Variants in C4orf36 observed in about 807,000 individuals in gnomAD.
The protein encoded by C4orf36 is chromosome 4 open reading frame 36.
In C4orf36, 11 loss-of-function variants were observed where a neutral mutation model predicts 12.2. The observed-to-expected ratio is 0.90, with a 90% CI of 0.57 to 1.49. C4orf36 has a LOEUF of 1.49. Ranked by LOEUF, C4orf36 falls within the 40% of genes most tolerant of loss-of-function variation. The pLI, the probability that C4orf36 is intolerant of heterozygous loss-of-function variation, is 0.00. For missense variants in C4orf36, 137 were observed against 133.9 expected (o/e 1.02, Z -0.11); for synonymous variants, 54 against 51.3 (o/e 1.05, Z -0.22).
the C4orf36 span, among the ~76,000 whole-genome samples, chr4:86,915,522 G>A: frequency 4.6e-5 from 7 of 152,278 alleles, no homozygotes; most frequent in Admixed American, 2.6e-4. Flanking sequence ...GGTGATTCAC[G>A]CCTGTAATCC....
At chr4:86,904,890 C>G in the C4orf36 span, among the ~76,000 whole-genome samples, 1 of 152,078 alleles carries the variant, frequency 6.6e-6, no homozygotes, top group South Asian at 2.1e-4. Flanking sequence ...CGTTGAAGCC[C>G]TAACCCCTAA....
chr4:86,888,359 T>C, intron 2 of C4orf36, 84 bp from the exon 3 acceptor site: 2 of 1,359,494 alleles, frequency 1.5e-6, no homozygotes, highest in South Asian at 2.7e-5. Context: ...AATTCTCAGT[T>C]CCATTTGCCA....
the C4orf36 span, among the ~76,000 whole-genome samples, chr4:86,901,352 TTCTC>T: frequency 4.3e-4 from 63 of 147,360 alleles, no homozygotes; most frequent in Non-Finnish European, 6.3e-4. Flanking sequence ...ATCTGATCTC[TTCTC>T]TCTGTCTCTC....
At chr4:86,894,234 G>A (rs1868244), upstream of C4orf36, among the ~76,000 whole-genome samples, 69,383 of 151,998 alleles carry the variant, frequency 0.46, 17,306 homozygotes, top group South Asian at 0.68. Flanking sequence ...AGCATAGAAT[G>A]GCGAATAAAA....
chr4:86,897,490 C>A, the C4orf36 span, among the ~76,000 whole-genome samples: 1 of 152,178 alleles, frequency 6.6e-6, no homozygotes, highest in South Asian at 2.1e-4. Flanking sequence ...CCTTTAAGTT[C>A]TCTGGATTCT....
intron 1 of C4orf36, 76 bp downstream of exon 1, chr4:86,892,107 G>A (rs1271638265): frequency 1.0e-6 from 1 of 985,724 alleles, no homozygotes; most frequent in East Asian, 1.1e-4. Context: ...ACTGGTTCCC[G>A]GGACGGGTGG....
chr4:86,916,839 T>C, the C4orf36 span, among the ~76,000 whole-genome samples: 23 of 152,238 alleles, frequency 1.5e-4, no homozygotes, highest in African/African-American at 5.1e-4. Flanking sequence ...CTCATGTCTA[T>C]AGAATGCGGA....
In C4orf36 at chr4:86,888,555, G is replaced by A. The variant is rs75802532; in HGVS notation, c.66-280C>T. On this transcript the variant is annotated intron_variant, in intron 2 of 4. Coordinates refer to ENST00000295898, the MANE Select transcript of C4orf36 (RefSeq NM_144645.4). ...ATCCATTCTTTCCATGTAAGAGGAT[G>A]TAGATAAGAACTGTAAGCTCCAGAG... is the stretch of plus-strand genomic sequence containing the variant. 2.6e-3 allele frequency among the ~76,000 whole-genome samples: 399 copies of A among 152,296 alleles called. 3 individuals are homozygous for A. Among genetic ancestry groups the A allele is most frequent in the South Asian group, 7.2e-3 (35 of 4,828 alleles).
chr4:86,929,020 G>A, the C4orf36 span, among the ~76,000 whole-genome samples: 17 of 152,114 alleles, frequency 1.1e-4, no homozygotes, highest in Non-Finnish European at 1.2e-4. Context: ...CCCTGTCTGT[G>A]CTCTGATAAC....
the C4orf36 span, among the ~76,000 whole-genome samples, chr4:86,898,468 T>C: frequency 2.0e-5 from 3 of 151,942 alleles, no homozygotes; most frequent in Non-Finnish European, 4.4e-5. Context: ...GAGGCCAACG[T>C]GGGCAGATGG....
At chr4:86,905,074 A>G in the C4orf36 span, among the ~76,000 whole-genome samples, 9 of 151,940 alleles carry the variant, frequency 5.9e-5, no homozygotes, top group African/African-American at 1.9e-4. Context: ...CGTCTCTACT[A>G]AAATATTTTA....
At chr4:86,919,119 GGAGAGAGAGAGA>G in the C4orf36 span, among the ~76,000 whole-genome samples, 3 of 145,352 alleles carry the variant, frequency 2.1e-5, no homozygotes, top group Middle Eastern at 7.0e-3. Flanking sequence ...CCCAGCTCCA[GGAGAGAGAGAGA>G]GAGAGAGAGA....
Position 86,891,571 on chromosome 4 carries a change from A to G in C4orf36, c.-51T>C. 6.2e-7 allele frequency: 1 copy of G among 1,613,636 alleles called. No homozygotes were observed. The highest frequency in any genetic ancestry group is 8.5e-7 in the Non-Finnish European group (1 of 1,179,886). ...TTACATAGGTGCCTGATGGAATGTC[A>G]CAGATAACTCTGTTCACTTTACCTG... On this transcript the variant is annotated 5_prime_UTR_variant, in exon 2 of 5. Transcript: ENST00000295898.
At chr4:86,912,005 C>T in the C4orf36 span, among the ~76,000 whole-genome samples, 2 of 152,200 alleles carry the variant, frequency 1.3e-5, no homozygotes, top group African/African-American at 4.8e-5. Context: ...GGATTACAGG[C>T]ATGTGCCACC....
At chr4:86,912,362 C>CT in the C4orf36 span, among the ~76,000 whole-genome samples, 1 of 152,160 alleles carries the variant, frequency 6.6e-6, no homozygotes, top group Non-Finnish European at 1.5e-5. Flanking sequence ...TTTGGAGAAA[C>CT]TGAGACTCAA....
chr4:86,891,682 T>G, intron 1 of C4orf36, 89 bp from the exon 2 acceptor site: 1 of 1,251,612 alleles, frequency 8.0e-7, no homozygotes, highest in Admixed American at 2.9e-5. Context: ...TGTCAGAAAG[T>G]CCTTAATAAG....
chr4:86,913,342 C>T, the C4orf36 span: 24 of 825,738 alleles, frequency 2.9e-5, no homozygotes, highest in South Asian at 7.9e-5. Flanking sequence ...GCAAAATTTG[C>T]GACAATCTTG....
intron 4 of C4orf36, among the ~76,000 whole-genome samples, chr4:86,884,166 C>T (rs1747112678): frequency 6.6e-6 from 1 of 152,146 alleles, no homozygotes; most frequent in African/African-American, 2.4e-5. Context: ...CCCCATCCCC[C>T]ATCCACTCTG....
the C4orf36 span, among the ~76,000 whole-genome samples, chr4:86,919,958 G>A: frequency 6.6e-6 from 1 of 152,154 alleles, no homozygotes; most frequent in East Asian, 1.9e-4. Context: ...AAGCCCAGGA[G>A]TTTGAGGCTG....
Sources: gnomAD v4.1 joint callset for allele counts (sites outside exome capture counted in the v4.1 genomes callset) on GRCh38, gnomAD v4.1.1 for gene constraint, MANE v1.5 for transcripts, NCBI Gene and HGNC (gene_info 2026-07-23, HGNC 2026-07-21) for gene names.